ARID4A: variants seen among roughly 807,000 people sequenced by gnomAD.
ARID4A encodes AT-rich interactive domain-containing protein 4A.
In ARID4A, 39 loss-of-function variants were observed where a neutral mutation model predicts 148.6. The ratio of observed to expected loss-of-function variants is 0.26; its 90% CI spans 0.20 to 0.34. The LOEUF is 0.34. ARID4A is among the 10% of genes least tolerant of loss of function. The pLI is 1.00. For synonymous variants in ARID4A, 475 were observed against 481.2 expected, an observed-to-expected ratio of 0.99 and a Z score of 0.17; for missense variants, 1,265 against 1,449.1, an observed-to-expected ratio of 0.87 and a Z score of 2.06.
intron 8 of ARID4A, 98 bp from the exon 9 acceptor site, chr14:58,328,139 A>G (rs1194659237): frequency 2.5e-6 from 2 of 810,048 alleles, no homozygotes; most frequent in Admixed American, 2.6e-5. Flanking sequence ...AATATAATCT[A>G]TTTGAGAAGT....
At chr14:58,333,683 C>T (rs1293414819) in intron 11 of ARID4A, among the ~76,000 whole-genome samples, 1 of 151,906 alleles carries the variant, frequency 6.6e-6, no homozygotes, top group Admixed American at 6.6e-5. Context: ...AGTTTGTTTA[C>T]TCATGGAAAC....
intron 11 of ARID4A, chr14:58,331,179 G>T (rs1274854628): frequency 1.3e-5 from 2 of 152,296 alleles, no homozygotes; most frequent in East Asian, 1.9e-4. Context: ...CAGAATGGCG[G>T]TTCATACTTA....
At chr14:58,313,804 C>G (rs1182412878) in intron 5 of ARID4A, among the ~76,000 whole-genome samples, 3 of 152,310 alleles carry the variant, frequency 2.0e-5, no homozygotes, top group African/African-American at 4.8e-5. Context: ...TTCTGATGTC[C>G]AAGGGCAGAA....
chr14:58,353,968 C>T, intron 17 of ARID4A, 113 bp downstream of exon 17: 1 of 972,240 alleles, frequency 1.0e-6, no homozygotes, highest in South Asian at 1.7e-5. Flanking sequence ...ACAAAGCACA[C>T]CTTGGTTCTG....
chr14:58,372,390 G>C lies in ARID4A; in HGVS notation c.*401G>C, dbSNP rs566364714. 4.0e-6 allele frequency: 1 copy of C among 247,338 alleles called. No individual in the cohort carries two copies. The highest frequency in any genetic ancestry group is 1.5e-4 in the South Asian group (1 of 6,836). 15.3% of individuals were successfully genotyped at this position (247,338 alleles called of 1,614,324 possible). ...ATAGTTACTGCTGCACTTTCACTAA[G>C]ATGTATTTGAACACTTGGTGAGTAG... is the stretch of plus-strand genomic sequence containing the variant. On this transcript the variant is annotated 3_prime_UTR_variant, in exon 24 of 24. Transcript: ENST00000355431.
At position 58,351,098 on chromosome 14, in the gene ARID4A, T is replaced by C; in HGVS notation, c.1430T>C (p.Val477Ala). Residue 477 changes from valine to alanine, a missense_variant, in exon 16 of 24, where the codon GTA becomes GCA. Val to Ala is a moderately conservative substitution (Grantham distance 64, BLOSUM62 0). Around this residue, in one of 9 missense-constraint regions of ARID4A, gnomAD observed 205 missense variants for 196.9 expected, o/e 1.04. Transcript: ENST00000355431. ...GGACGAAGGAGAATTGCTCGAGATGTAAATTCTATTAAAAAGGAAATTGAA... is the reference window on the plus strand; with the variant it reads ...GGACGAAGGAGAATTGCTCGAGATGCAAATTCTATTAAAAAGGAAATTGAA... Reference protein sequence around the residue: ...PRGRRRIARDVNSIKKEIEEE... With the variant: ...PRGRRRIARDANSIKKEIEEE... 1 of 1,598,180 alleles carries C rather than the reference T, an allele frequency of 6.3e-7. No individual in the cohort carries two copies. Among genetic ancestry groups the C allele is most frequent in the Non-Finnish European group, 8.5e-7 (1 of 1,176,382 alleles).
intron 19 of ARID4A, among the ~76,000 whole-genome samples, chr14:58,362,287 A>G (rs559945111): frequency 6.6e-5 from 10 of 152,128 alleles, no homozygotes; most frequent in South Asian, 2.1e-4. Context: ...TATACTTTTA[A>G]ATGTAATTAA....
intron 11 of ARID4A, among the ~76,000 whole-genome samples, chr14:58,340,101 T>C (rs910438225): frequency 3.9e-5 from 6 of 152,204 alleles, no homozygotes; most frequent in African/African-American, 1.4e-4. Context: ...GAAGTCTGTT[T>C]ACTAGAATTT....
At chr14:58,363,336 A>G (rs1247066254) in intron 19 of ARID4A, among the ~76,000 whole-genome samples, 4 of 152,284 alleles carry the variant, frequency 2.6e-5, no homozygotes, top group African/African-American at 7.2e-5. Flanking sequence ...ACAGGGAACA[A>G]TTTTTGTTTC....
At chr14:58,371,832 G>A in intron 23 of ARID4A, 54 bp from the exon 24 acceptor site, 1 of 1,307,542 alleles carries the variant, frequency 7.6e-7, no homozygotes, top group South Asian at 1.2e-5. Context: ...GCTGTTAGCT[G>A]GGTATCTTTG....
chr14:58,329,922 T>G (rs995420788), intron 10 of ARID4A, 81 bp from the exon 11 acceptor site: 4 of 1,518,598 alleles, frequency 2.6e-6, no homozygotes, highest in Non-Finnish European at 3.5e-6. Flanking sequence ...ATTCAGATCT[T>G]TGATTCTGAA....
chr14:58,298,950 C>T (rs1566658725), intron 1 of ARID4A, among the ~76,000 whole-genome samples: 1 of 152,300 alleles, frequency 6.6e-6, no homozygotes, highest in East Asian at 1.9e-4. Flanking sequence ...GGCTGTGGGG[C>T]TGGCCGCGCC....
intron 23 of ARID4A, among the ~76,000 whole-genome samples, chr14:58,368,949 G>A (rs1047703634): frequency 1.3e-5 from 2 of 152,118 alleles, no homozygotes; most frequent in South Asian, 2.1e-4. Context: ...CAGAGATAAA[G>A]GGAAAGAGAT....
chr14:58,342,422 TAAATC>T (rs1467457196), intron 11 of ARID4A, among the ~76,000 whole-genome samples: 1 of 152,168 alleles, frequency 6.6e-6, no homozygotes, highest in African/African-American at 2.4e-5. Flanking sequence ...AAAATACACA[TAAATC>T]AAATTTTATC....
At chr14:58,365,465 C>CTATTTTTTT in intron 20 of ARID4A, 53 bp from the exon 21 acceptor site, 1 of 853,864 alleles carries the variant, frequency 1.2e-6, no homozygotes, top group South Asian at 2.0e-5. Flanking sequence ...AATATACTTG[C>CTATTTTTTT]TCTTTTTTTT....
Position 58,323,385 on chromosome 14 carries a change from G to A in ARID4A, c.450-100G>A. 3.0e-6 allele frequency: 4 copies of A among 1,333,260 alleles called. No homozygotes were observed. The South Asian group carries it at 4.1e-5, about 14-fold the overall frequency. The allele number at this position is 1,333,260 out of a possible 1,614,324, so 82.6% of individuals were successfully genotyped here. A position where few individuals can be genotyped will look rare whatever the true frequency, so the allele number is the denominator to read the frequency against. On this transcript the variant is annotated intron_variant, in intron 7 of 23. Coordinates refer to ENST00000355431, the MANE Select transcript of ARID4A (RefSeq NM_002892.4). The stretch of plus-strand genomic sequence containing the variant: ...AATGGAGAGGCTACTACTTTAGGGT[G>A]TAGTCCATTAGAAATTGAATTGACT...
chr14:58,328,942 G>A (rs772336026), intron 9 of ARID4A, among the ~76,000 whole-genome samples: 3 of 151,250 alleles, frequency 2.0e-5, no homozygotes, highest in Non-Finnish European at 4.4e-5. Context: ...GCAGTGAGCC[G>A]AGATCGCGCC....
At chr14:58,343,102 G>A (rs1326496154) in intron 11 of ARID4A, among the ~76,000 whole-genome samples, 1 of 152,128 alleles carries the variant, frequency 6.6e-6, no homozygotes, top group African/African-American at 2.4e-5. Context: ...ATTTTCTTGA[G>A]TTAACTCATT....
At position 58,359,137 on chromosome 14, in the gene ARID4A, A is replaced by G; in HGVS notation, c.1859A>G (p.Asp620Gly). The G allele has an allele frequency of 3.0e-6, 3 of 1,013,732 alleles. No homozygotes were observed. The highest frequency in any genetic ancestry group is 1.8e-5 in the African/African-American group (1 of 55,112). The allele number at this position is 1,013,732 out of a possible 1,614,324, so 62.8% of individuals were successfully genotyped here. A position where few individuals can be genotyped will look rare whatever the true frequency, so the allele number is the denominator to read the frequency against. ...VHYYGWNVRY[D>G]EWVKADRIIW... ...TTTTTTTTTTTTTTTTTAAGGTATGATGAGTGGGTGAAGGCTGACAGGATA... is the reference window on the plus strand; with the variant it reads ...TTTTTTTTTTTTTTTTTAAGGTATGGTGAGTGGGTGAAGGCTGACAGGATA... The change falls in exon 18 of 24, where the codon GAT becomes GGT. Residue 620 changes from aspartate to glycine, a missense_variant. Coordinates refer to ENST00000355431, the MANE Select transcript of ARID4A (RefSeq NM_002892.4).
Sources: gnomAD v4.1 joint callset for allele counts (sites outside exome capture counted in the v4.1 genomes callset) on GRCh38, gnomAD v4.1.1 for gene constraint, gnomAD v4.1.1 regional missense constraint, MANE v1.5 for transcripts, NCBI Gene and HGNC (gene_info 2026-07-23, HGNC 2026-07-21) for gene names.